ESYT1: variants seen among roughly 807,000 people sequenced by gnomAD.
ESYT1 encodes extended synaptotagmin 1, also known as extended synaptotagmin-1.
A neutral mutation model predicts 154.2 loss-of-function variants in ESYT1; 116 were observed. The ratio of observed to expected loss-of-function variants is 0.75; its 90% CI spans 0.65 to 0.88. ESYT1 has a LOEUF of 0.88. Ranked by LOEUF, ESYT1 falls within the 40% of genes least tolerant of loss-of-function variation. The pLI is 0.00. For missense variants in ESYT1, 1,264 were observed against 1,379.3 expected, an observed-to-expected ratio of 0.92 and a Z score of 1.32; for synonymous variants, 500 against 539.9, an observed-to-expected ratio of 0.93 and a Z score of 1.02.
At chr12:56,132,659 T>C in intron 9 of ESYT1, 60 bp from the exon 10 acceptor site, 2 of 1,613,708 alleles carry the variant, frequency 1.2e-6, no homozygotes, top group Non-Finnish European at 1.7e-6. Flanking sequence ...GAGAAGATGC[T>C]GATTGGATGA....
intron 10 of ESYT1, 122 bp from the exon 11 acceptor site, chr12:56,133,295 A>G (rs1204441670): frequency 2.0e-6 from 2 of 1,011,524 alleles, no homozygotes; most frequent in African/African-American, 3.2e-5. Context: ...TCTGAGAGGA[A>G]TAAGGGAGTC....
intron 24 of ESYT1, among the ~76,000 whole-genome samples, chr12:56,139,887 CT>C (rs764181208): frequency 4.9e-4 from 70 of 143,510 alleles, no homozygotes; most frequent in Non-Finnish European, 5.1e-4. Flanking sequence ...TGCACCCGGC[CT>C]TTTTTTTTTT....
chr12:56,131,994 G>A (rs572800153), intron 7 of ESYT1, among the ~76,000 whole-genome samples, 190 bp downstream of exon 7: 4 of 152,186 alleles, frequency 2.6e-5, no homozygotes, highest in Non-Finnish European at 5.9e-5. Flanking sequence ...GGAAGGGAAT[G>A]CAGAGGGCTG....
chr12:56,130,572 C>T lies in ESYT1; in HGVS notation c.391-10C>T. On this transcript the variant is annotated splice_polypyrimidine_tract_variant and intron_variant, in intron 1 of 30. Transcript: ENST00000394048. Reference sequence around the variant, plus strand: ...CTGCACGTCACTGTCTCTGCCTTCCCCACCTCCAGGTCAGCTTCCCAGACG... The same window carrying T: ...CTGCACGTCACTGTCTCTGCCTTCCTCACCTCCAGGTCAGCTTCCCAGACG... The T allele has an allele frequency of 6.2e-7, 1 of 1,613,666 alleles. No homozygotes were observed. Among genetic ancestry groups the T allele is most frequent in the East Asian group, 2.2e-5 (1 of 44,880 alleles).
chr12:56,140,489 G>A (rs1052456178), intron 24 of ESYT1, among the ~76,000 whole-genome samples: 4 of 151,966 alleles, frequency 2.6e-5, no homozygotes, highest in Admixed American at 6.6e-5. Flanking sequence ...TCAGCCTCCC[G>A]AGTAGATGGG....
At position 56,142,097 on chromosome 12, in the gene ESYT1, CAAA is replaced by C. The variant is rs35837136; in HGVS notation, c.2593-176_2593-174del. The stretch of plus-strand genomic sequence containing the variant: ...GGGCAACAAGAGCGAAACTCTGTCT[CAAA>C]AAAAAAAAAAAGGAAGGAAGGACAG... On this transcript the variant is annotated intron_variant, in intron 24 of 30. Transcript: ENST00000394048. This position sits in a 1 kb window ranked among gnomAD's most constrained non-coding sequence, Gnocchi z 4.1. Among the ~76,000 whole-genome samples the C allele has an allele frequency of 3.3e-5, 4 of 122,388 alleles. No individual in the cohort carries two copies. The highest frequency in any genetic ancestry group is 2.3e-4 in the East Asian group (1 of 4,364). 80.3% of individuals were successfully genotyped at this position (122,388 alleles called of 152,430 possible). A position where few individuals can be genotyped will look rare whatever the true frequency, so the allele number is the denominator to read the frequency against.
Position 56,144,127 on chromosome 12 carries a change from C to T in ESYT1, c.*265C>T. The T allele has an allele frequency of 1.4e-6, 2 of 1,398,612 alleles. No homozygotes were observed. The highest frequency in any genetic ancestry group is 2.7e-4 in the Middle Eastern group (1 of 3,762). 86.6% of individuals were successfully genotyped at this position (1,398,612 alleles called of 1,614,324 possible). ...CCTGCTTTGCCTGCACATTGTTCTC[C>T]CTTCCTCCCAACTCCTCAGGGCCTT... On this transcript the variant is annotated 3_prime_UTR_variant, in exon 31 of 31. Transcript: ENST00000394048.
Position 56,128,426 on chromosome 12 carries a change from C to T in ESYT1, c.107C>T (p.Pro36Leu), listed in dbSNP as rs1389095041. 1 of 1,612,744 alleles carries T rather than the reference C, an allele frequency of 6.2e-7. No individual in the cohort carries two copies. Among genetic ancestry groups the T allele is most frequent in the Non-Finnish European group, 8.5e-7 (1 of 1,179,370 alleles). The change falls in exon 1 of 31, where the codon CCA (proline) becomes CTA (leucine). Residue 36 changes from proline to leucine, a missense_variant. Pro to Leu is a moderately conservative substitution (Grantham distance 98, BLOSUM62 -3). Transcript: ENST00000394048. Reference protein sequence around the residue: ...QPPAAHAKPDPGSGGQPAGPG... With the variant: ...QPPAAHAKPDLGSGGQPAGPG... Reference sequence around the variant, plus strand: ...CCCGCTGCTCACGCAAAGCCAGACCCAGGTTCTGGGGGCCAACCTGCTGGC... The same window carrying T: ...CCCGCTGCTCACGCAAAGCCAGACCTAGGTTCTGGGGGCCAACCTGCTGGC...
intron 24 of ESYT1, among the ~76,000 whole-genome samples, chr12:56,141,542 C>CATCCTGGCTT (rs1183767469): frequency 7.9e-5 from 12 of 151,944 alleles, no homozygotes; most frequent in African/African-American, 2.9e-4. Context: ...AGATCGAGAC[C>CATCCTGGCTT]ATCCTGGCTA....
intron 15 of ESYT1, among the ~76,000 whole-genome samples, 159 bp downstream of exon 15, chr12:56,134,587 C>T (rs890185162): frequency 7.9e-5 from 12 of 151,820 alleles, no homozygotes; most frequent in Non-Finnish European, 1.6e-4. Context: ...CCCCAACTGT[C>T]GCTCCAGAAT....
In ESYT1 at chr12:56,136,634, G is replaced by A. The variant is rs912615100; in HGVS notation, c.1633-110G>A. The A allele has an allele frequency of 5.6e-6, 5 of 890,672 alleles. No homozygotes were observed. The East Asian group carries it at 1.6e-4, about 28-fold the overall frequency. 55.2% of individuals were successfully genotyped at this position (890,672 alleles called of 1,614,324 possible). A position where few individuals can be genotyped will look rare whatever the true frequency, so the allele number is the denominator to read the frequency against. ...AAGATGGCCCTGAGTGGAGCAGGAGGTTTGTGATTGGTACAGAGAGGAATG... is the reference window on the plus strand; with the variant it reads ...AAGATGGCCCTGAGTGGAGCAGGAGATTTGTGATTGGTACAGAGAGGAATG... On this transcript the variant is annotated intron_variant, in intron 15 of 30. Coordinates refer to ENST00000394048, the MANE Select transcript of ESYT1 (RefSeq NM_015292.3).
Position 56,128,394 on chromosome 12 carries a change from C to T in ESYT1, c.75C>T (p.Asp25=), listed in dbSNP as rs765381659. 8.1e-6 allele frequency: 13 copies of T among 1,611,920 alleles called. No individual in the cohort carries two copies. In the South Asian group the frequency reaches 1.2e-4, roughly 15 times the overall value. The change falls in exon 1 of 31, where the codon GAC becomes GAT. Residue 25 remains aspartate, a synonymous_variant. Transcript: ENST00000394048. ...CCTCTGCTCCCTCCGACCCCACTGACCAGCCCCCCGCTGCTCACGCAAAGC... is the reference window on the plus strand; with the variant it reads ...CCTCTGCTCCCTCCGACCCCACTGATCAGCCCCCCGCTGCTCACGCAAAGC... The part of the protein sequence containing the change: ...DQPSAPSDPT[D]QPPAAHAKPD...
At position 56,141,260 on chromosome 12, in the gene ESYT1, A is replaced by G. The variant is rs953273725; in HGVS notation, c.2593-1025A>G. 3.3e-5 allele frequency among the ~76,000 whole-genome samples: 5 copies of G among 152,346 alleles called. No individual in the cohort carries two copies. The East Asian group carries it at 9.6e-4, about 29-fold the overall frequency. ...GAGGTACAAATGAGCTCAGTTCTTC[A>G]TCTTTTATAGCAGGGAATCAATAGA... On this transcript the variant is annotated intron_variant, in intron 24 of 30. Transcript: ENST00000394048.
At chr12:56,135,407 G>T (rs1870409429) in intron 15 of ESYT1, among the ~76,000 whole-genome samples, 1 of 151,062 alleles carries the variant, frequency 6.6e-6, no homozygotes, top group South Asian at 2.1e-4. Context: ...CCCAACCTCA[G>T]GTGATCCGCC....
rs750953305 is a variant in ESYT1 at position 56,128,626 on chromosome 12, C to G, written c.307C>G (p.Arg103Gly). The change falls in exon 1 of 31, where the codon CGA becomes GGA. Residue 103 changes from arginine to glycine, a missense_variant. By Grantham distance (125) the Arg-to-Gly change is moderately radical (BLOSUM62 -2). Transcript: ENST00000394048. ...RVRDEKERSL[R>G]AARQLLDDEE... ...CCGCGACGAGAAAGAACGGAGCCTT[C>G]GAGCAGCGAGGCAGCTACTGGACGA... 28 of 1,614,166 alleles carry G rather than the reference C, an allele frequency of 1.7e-5. No individual in the cohort carries two copies. Among genetic ancestry groups the G allele is most frequent in the Non-Finnish European group, 2.2e-5 (26 of 1,180,018 alleles).
intron 7 of ESYT1, 96 bp downstream of exon 7, chr12:56,131,900 A>G: frequency 7.8e-7 from 1 of 1,283,928 alleles, no homozygotes; most frequent in Non-Finnish European, 1.1e-6. Flanking sequence ...TGTGTCCTCT[A>G]GGAGCCTCAA....
rs1408174624 is a variant in ESYT1 at position 56,136,850 on chromosome 12, G to T, written c.1739G>T (p.Ser580Ile). 1.1e-5 allele frequency: 18 copies of T among 1,612,506 alleles called. No individual in the cohort carries two copies. Among genetic ancestry groups the T allele is most frequent in the Non-Finnish European group, 1.5e-5 (18 of 1,178,922 alleles). The change falls in exon 16 of 31, where the codon AGC (serine) becomes ATC (isoleucine). Residue 580 changes from serine (S) to isoleucine (I), a missense_variant. By Grantham distance (142) the Ser-to-Ile change is moderately radical (BLOSUM62 -2). Coordinates refer to ENST00000394048, the MANE Select transcript of ESYT1 (RefSeq NM_015292.3). Reference protein sequence around the residue: ...LILDQWFQLSSSGPNSRLYMK... With the variant: ...LILDQWFQLSISGPNSRLYMK... ...CTGGACCAGTGGTTCCAGCTCAGCA[G>T]CTCTGGTCCAAACTCCAGACTCTAT...
intron 17 of ESYT1, 25 bp from the exon 18 acceptor site, chr12:56,137,474 T>C (rs1244726610): frequency 6.2e-7 from 1 of 1,608,890 alleles, no homozygotes; most frequent in Non-Finnish European, 8.5e-7. Context: ...CTTTGCCATC[T>C]GGCACCCCCC....
chr12:56,132,385 G>C (rs775248716), intron 8 of ESYT1, 36 bp from the exon 9 acceptor site: 3 of 1,613,958 alleles, frequency 1.9e-6, no homozygotes, highest in South Asian at 1.1e-5. Flanking sequence ...CCCTTGCTGG[G>C]TCCTTAGTTT....
Sources: allele counts gnomAD v4.1 joint callset (sites outside exome capture counted in the v4.1 genomes callset), GRCh38; gene constraint gnomAD v4.1.1; non-coding constraint Gnocchi (gnomAD v3.1); transcripts MANE v1.5; gene names NCBI Gene and HGNC (gene_info 2026-07-23, HGNC 2026-07-21).